CNBD1: variants seen among roughly 807,000 people sequenced by gnomAD.
CNBD1 encodes cyclic nucleotide binding domain containing 1, also known as cyclic nucleotide-binding domain-containing protein 1.
CNBD1 carries 71 observed loss-of-function variants against 54.4 expected under a neutral mutation model. That is an observed-to-expected ratio of 1.30 (90% CI 1.08 to 1.59). The LOEUF (loss-of-function observed/expected upper bound fraction) is 1.59, where lower values mean the gene tolerates loss of function less well. Among genes scored for constraint, CNBD1 ranks in the 40% most tolerant of loss-of-function variants. The pLI is 0.00. For synonymous variants in CNBD1, 182 were observed against 170.7 expected, an observed-to-expected ratio of 1.07 and a Z score of -0.51; for missense variants, 659 against 518.0, an observed-to-expected ratio of 1.27 and a Z score of -2.64.
At chr8:87,058,153 A>T (rs968723971) in intron 4 of CNBD1, among the ~76,000 whole-genome samples, 3 of 152,316 alleles carry the variant, frequency 2.0e-5, no homozygotes, top group Middle Eastern at 3.4e-3. Context: ...TAAACAATAA[A>T]GTTCCAAAAT....
intron 6 of CNBD1, among the ~76,000 whole-genome samples, chr8:87,279,483 A>G (rs991317873): frequency 6.6e-6 from 1 of 151,464 alleles, no homozygotes; most frequent in Admixed American, 6.6e-5. Context: ...ACCCTGTATG[A>G]TTACCCACCT....
intron 4 of CNBD1, among the ~76,000 whole-genome samples, chr8:87,057,432 C>G (rs930783496): frequency 6.6e-6 from 1 of 152,206 alleles, no homozygotes; most frequent in East Asian, 1.9e-4. Context: ...TTACTTCCCA[C>G]TGGGCCCCTG....
intron 2 of CNBD1, among the ~76,000 whole-genome samples, chr8:87,412,535 G>A (rs112826754): frequency 0.015 from 2,283 of 152,158 alleles, 58 homozygotes; most frequent in African/African-American, 0.049. Context: ...TTTCCCGAAT[G>A]CACATGAGGC....
chr8:86,906,839 G>GAA (rs930053480), intron 3 of CNBD1, among the ~76,000 whole-genome samples: 1 of 152,166 alleles, frequency 6.6e-6, no homozygotes, highest in African/African-American at 2.4e-5. Context: ...ATATTTTTAA[G>GAA]AAAAGAGACA....
intron 8 of CNBD1, among the ~76,000 whole-genome samples, chr8:87,329,597 A>G (rs1446592203): frequency 6.6e-6 from 1 of 152,060 alleles, no homozygotes; most frequent in African/African-American, 2.4e-5. Context: ...TTGTAGTTTT[A>G]TTCATACAGA....
At chr8:87,372,324 A>T (rs1216951225) in intron 10 of CNBD1, among the ~76,000 whole-genome samples, 1 of 151,960 alleles carries the variant, frequency 6.6e-6, no homozygotes, top group Non-Finnish European at 1.5e-5. Context: ...CCTGTTGTAG[A>T]TATCTTTTAG....
intron 4 of CNBD1, among the ~76,000 whole-genome samples, chr8:87,140,328 AT>A (rs1281256252): frequency 1.3e-5 from 2 of 152,184 alleles, no homozygotes; most frequent in Admixed American, 1.3e-4. Flanking sequence ...CACAAAATAA[AT>A]TGCAGAGATA....
chr8:86,903,232 G>A (rs2131806406), intron 2 of CNBD1, among the ~76,000 whole-genome samples: 1 of 152,054 alleles, frequency 6.6e-6, no homozygotes, highest in East Asian at 1.9e-4. Flanking sequence ...TTAGGTGAAG[G>A]AGGCAGCTAA....
At chr8:87,219,098 C>A (rs1814271741) in intron 5 of CNBD1, among the ~76,000 whole-genome samples, 1 of 151,984 alleles carries the variant, frequency 6.6e-6, no homozygotes, top group Non-Finnish European at 1.5e-5. Flanking sequence ...AAATAACAAT[C>A]TGTATATATT....
At chr8:87,137,309 G>T (rs547113019) in intron 4 of CNBD1, among the ~76,000 whole-genome samples, 1 of 150,574 alleles carries the variant, frequency 6.6e-6, no homozygotes, top group Non-Finnish European at 1.5e-5. Context: ...CTATTCTCCT[G>T]CCTCAGCCTC....
chr8:86,886,035 A>T (rs1020414745), intron 1 of CNBD1, among the ~76,000 whole-genome samples: 1 of 152,020 alleles, frequency 6.6e-6, no homozygotes, highest in Non-Finnish European at 1.5e-5. Flanking sequence ...TACTTTTTTA[A>T]AGCCTCTCTT....
At chr8:87,065,420 C>G (rs1053749588) in intron 4 of CNBD1, among the ~76,000 whole-genome samples, 1 of 151,922 alleles carries the variant, frequency 6.6e-6, no homozygotes, top group East Asian at 1.9e-4. Flanking sequence ...TGATGGACTT[C>G]AAATAGCACC....
At chr8:87,258,081 A>G (rs1808056448) in intron 6 of CNBD1, among the ~76,000 whole-genome samples, 1 of 152,272 alleles carries the variant, frequency 6.6e-6, no homozygotes, top group East Asian at 1.9e-4. Context: ...TTAACTTGTT[A>G]AAGAATTCTG....
At chr8:87,409,162 G>A (rs2130983327) in intron 2 of CNBD1, among the ~76,000 whole-genome samples, 1 of 152,286 alleles carries the variant, frequency 6.6e-6, no homozygotes, top group African/African-American at 2.4e-5. Flanking sequence ...TGAATGCAAA[G>A]GAGAAGTTCT....
chr8:87,347,285 T>A lies in CNBD1; in HGVS notation c.1043-4400T>A, dbSNP rs988942141. ...TTTCAGAAAAATCTAAGCCACCATA[T>A]TCTGAGCTTTTCCTTATGCTCAAGA... On this transcript the variant is annotated intron_variant, in intron 8 of 10. Transcript: ENST00000518476. Among the ~76,000 whole-genome samples, 5 of 152,210 alleles carry A rather than the reference T, an allele frequency of 3.3e-5. No individual in the cohort carries two copies. In the South Asian group the frequency reaches 8.3e-4, roughly 25 times the overall value.
intron 8 of CNBD1, among the ~76,000 whole-genome samples, chr8:87,337,822 T>G (rs527514010): frequency 6.6e-6 from 1 of 152,288 alleles, no homozygotes; most frequent in African/African-American, 2.4e-5. Context: ...TGACAGAACC[T>G]GAATACCTCG....
At chr8:87,169,650 T>C (rs778763909) in intron 4 of CNBD1, among the ~76,000 whole-genome samples, 16 of 152,098 alleles carry the variant, frequency 1.1e-4, no homozygotes, top group Non-Finnish European at 2.2e-4. Context: ...CCCAACACCA[T>C]TTATTGAAGA....
chr8:86,989,969 A>G (rs974141905), intron 4 of CNBD1, among the ~76,000 whole-genome samples: 1 of 152,100 alleles, frequency 6.6e-6, no homozygotes, highest in East Asian at 1.9e-4. Context: ...GCATTTTTTC[A>G]TACACCTATT....
At chr8:87,310,402 G>T (rs1029305188) in intron 8 of CNBD1, among the ~76,000 whole-genome samples, 2 of 151,816 alleles carry the variant, frequency 1.3e-5, no homozygotes, top group African/African-American at 4.8e-5. Context: ...AAATAAATAC[G>T]TAGGAAGACA....
Sources: allele counts gnomAD v4.1 joint callset (sites outside exome capture counted in the v4.1 genomes callset), GRCh38; gene constraint gnomAD v4.1.1; transcripts MANE v1.5; gene names NCBI Gene and HGNC (gene_info 2026-07-23, HGNC 2026-07-21).